The following ATP9B variants were observed in gnomAD, a reference collection of about 807,000 sequenced individuals.
ATP9B encodes the protein ATPase phospholipid transporting 9B.
Under a neutral mutation model 146.1 loss-of-function variants are expected in ATP9B, and 110 were observed. The observed-to-expected ratio is 0.75, with a 90% CI of 0.65 to 0.88. The LOEUF is 0.88. ATP9B is among the 40% of genes least tolerant of loss of function. The pLI is 0.00. For synonymous variants in ATP9B, 604 were observed against 569.7 expected (o/e 1.06, Z -0.86); for missense variants, 1,499 against 1,496.4 (o/e 1.00, Z -0.03).
chr18:79,072,792 C>T (rs1190094583), intron 1 of ATP9B, among the ~76,000 whole-genome samples: 4 of 152,144 alleles, frequency 2.6e-5, no homozygotes, highest in South Asian at 2.1e-4. Flanking sequence ...TCTCACCTCC[C>T]AGATGGGGTG....
chr18:79,070,959 A>G (rs1472005480), intron 1 of ATP9B, among the ~76,000 whole-genome samples: 1 of 149,138 alleles, frequency 6.7e-6, no homozygotes, highest in Non-Finnish European at 1.5e-5. Context: ...CACCATTTAC[A>G]TTTACGATAA....
At chr18:79,255,532 A>G (rs1386708912) in intron 12 of ATP9B, among the ~76,000 whole-genome samples, 6 of 152,228 alleles carry the variant, frequency 3.9e-5, no homozygotes, top group Non-Finnish European at 5.9e-5. Flanking sequence ...TAGGTTAGCC[A>G]TCAAGTGAAG....
In ATP9B at chr18:79,143,830, A is replaced by G. The variant is rs778741322; in HGVS notation, c.696A>G (p.Ile232Met). 1 of 1,589,490 alleles carries G rather than the reference A, an allele frequency of 6.3e-7. No individual in the cohort carries two copies. Among genetic ancestry groups the G allele is most frequent in the Non-Finnish European group, 8.5e-7 (1 of 1,170,446 alleles). Reference sequence around the variant, plus strand: ...AAGTGCAAGTTAAGAGTTCAGACATACAAGTTGGAGACCTCATCATAGTGG... The same window carrying G: ...AAGTGCAAGTTAAGAGTTCAGACATGCAAGTTGGAGACCTCATCATAGTGG... ...RGKVQVKSSD[I>M]QVGDLIIVEK... Residue 232 changes from isoleucine (I) to methionine (M), a missense_variant, in exon 6 of 30, where the codon ATA (isoleucine) becomes ATG (methionine). Physicochemically the swap from Ile to Met is conservative, Grantham distance 10 (BLOSUM62 1). Coordinates refer to ENST00000426216, the MANE Select transcript of ATP9B (RefSeq NM_198531.5).
At chr18:79,084,945 G>C (rs2073659793) in intron 1 of ATP9B, among the ~76,000 whole-genome samples, 1 of 151,682 alleles carries the variant, frequency 6.6e-6, no homozygotes, top group Non-Finnish European at 1.5e-5. Flanking sequence ...ATTTGAGTAT[G>C]ATGTTAGTCC....
Position 79,096,460 on chromosome 18 carries a change from T to C in ATP9B, c.120-16T>C. 1.2e-6 allele frequency: 2 copies of C among 1,608,434 alleles called. No homozygotes were observed. The highest frequency in any genetic ancestry group is 1.4e-5 in the African/African-American group (1 of 71,342). On this transcript the variant is annotated splice_polypyrimidine_tract_variant and intron_variant, in intron 1 of 29. Transcript: ENST00000426216. ...CTGCTTGGCCTATCTCAGCACTCCA[T>C]TTTTACCCTAACTAGGTACCAGCTG... is the stretch of plus-strand genomic sequence containing the variant.
intron 15 of ATP9B, among the ~76,000 whole-genome samples, chr18:79,318,634 A>G (rs2096696380): frequency 6.6e-6 from 1 of 152,250 alleles, no homozygotes; most frequent in South Asian, 2.1e-4. Context: ...TAAGCTTTTA[A>G]AAATGGAACC....
chr18:79,216,678 T>C (rs1253454562), intron 11 of ATP9B, among the ~76,000 whole-genome samples: 1 of 152,170 alleles, frequency 6.6e-6, no homozygotes, highest in African/African-American at 2.4e-5. Context: ...TGTGTGGGCA[T>C]TCCTTCTCTC....
At chr18:79,289,310 A>G (rs2096477636) in intron 13 of ATP9B, among the ~76,000 whole-genome samples, 1 of 151,984 alleles carries the variant, frequency 6.6e-6, no homozygotes, top group Non-Finnish European at 1.5e-5. Flanking sequence ...GGCTTTGTTC[A>G]TTTCTTTTTA....
chr18:79,100,889 C>T (rs551587062), intron 2 of ATP9B, among the ~76,000 whole-genome samples: 112 of 152,252 alleles, frequency 7.4e-4, no homozygotes, highest in African/African-American at 2.7e-3. Flanking sequence ...TCGTGAGACT[C>T]ATTCACTATC....
chr18:79,316,778 A>G (rs1010623309), intron 15 of ATP9B, among the ~76,000 whole-genome samples: 1 of 152,252 alleles, frequency 6.6e-6, no homozygotes, highest in African/African-American at 2.4e-5. Context: ...AGTGGGAGGA[A>G]GAAAAAGTAA....
intron 1 of ATP9B, among the ~76,000 whole-genome samples, chr18:79,070,269 A>G (rs2071570970): frequency 6.6e-6 from 1 of 152,186 alleles, no homozygotes; most frequent in Admixed American, 6.5e-5. Flanking sequence ...ACATAATTTC[A>G]CTCAATATGT....
chr18:79,090,576 T>G (rs2074241032), intron 1 of ATP9B, among the ~76,000 whole-genome samples: 1 of 152,226 alleles, frequency 6.6e-6, no homozygotes, highest in Non-Finnish European at 1.5e-5. Flanking sequence ...TGTCTTCTTT[T>G]GAGAAATGTC....
At chr18:79,213,192 C>T (rs1031750801) in intron 10 of ATP9B, among the ~76,000 whole-genome samples, 3 of 151,894 alleles carry the variant, frequency 2.0e-5, no homozygotes, top group Non-Finnish European at 1.5e-5. Flanking sequence ...AATTGTGTTT[C>T]TCACCTTCAA....
chr18:79,236,731 C>G, intron 11 of ATP9B, among the ~76,000 whole-genome samples: 1 of 151,934 alleles, frequency 6.6e-6, no homozygotes, highest in East Asian at 2.0e-4. Flanking sequence ...AGTGTCCACA[C>G]CTGCCCCTTC....
At chr18:79,352,530 G>A (rs1361955089) in intron 25 of ATP9B, 1 of 152,250 alleles carries the variant, frequency 6.6e-6, no homozygotes, top group African/African-American at 2.4e-5. Flanking sequence ...GGACAGGGAT[G>A]CCTCAGAGAA....
At chr18:79,164,575 C>T (rs1008227581) in intron 7 of ATP9B, among the ~76,000 whole-genome samples, 4 of 151,998 alleles carry the variant, frequency 2.6e-5, no homozygotes, top group Non-Finnish European at 5.9e-5. Context: ...AAAAATTAGC[C>T]AGACATGGTG....
At chr18:79,136,864 A>G (rs2094453494) in intron 5 of ATP9B, among the ~76,000 whole-genome samples, 1 of 152,216 alleles carries the variant, frequency 6.6e-6, no homozygotes, top group African/African-American at 2.4e-5. Context: ...AAGGAGAAGC[A>G]AACACGTCCT....
intron 15 of ATP9B, among the ~76,000 whole-genome samples, chr18:79,327,482 C>T (rs1028138853): frequency 2.9e-4 from 44 of 149,440 alleles, no homozygotes; most frequent in Non-Finnish European, 4.2e-4. Context: ...CCGTGGTTAG[C>T]GTGCTCTCCG....
chr18:79,376,392 T>G, intron 29 of ATP9B: 1 of 845,160 alleles, frequency 1.2e-6, no homozygotes. Context: ...TGCAACCATT[T>G]TTTTTTTTTT....
Sources: gnomAD v4.1 joint callset for allele counts (sites outside exome capture counted in the v4.1 genomes callset) on GRCh38, gnomAD v4.1.1 for gene constraint, MANE v1.5 for transcripts, NCBI Gene and HGNC (gene_info 2026-07-23, HGNC 2026-07-21) for gene names.